CHL1: variants seen among roughly 807,000 people sequenced by gnomAD.
CHL1 encodes the protein neural cell adhesion molecule L1-like protein.
Under a neutral mutation model 141.9 loss-of-function variants are expected in CHL1, and 96 were observed. That is an observed-to-expected ratio of 0.68 (90% CI 0.57 to 0.80). The LOEUF (loss-of-function observed/expected upper bound fraction) is 0.80. Ranked by LOEUF, CHL1 falls within the 30% of genes least tolerant of loss-of-function variation. The probability of loss-of-function intolerance (pLI) is 0.00; values close to 1 mark genes in which losing one functional copy is unlikely to be tolerated. For synonymous variants in CHL1, 613 were observed against 502.2 expected, an observed-to-expected ratio of 1.22 and a Z score of -2.95; for missense variants, 1,820 against 1,457.2, an observed-to-expected ratio of 1.25 and a Z score of -4.05.
At chr3:260,232 C>T (rs1490807371) in intron 2 of CHL1, among the ~76,000 whole-genome samples, 1 of 151,024 alleles carries the variant, frequency 6.6e-6, no homozygotes, top group African/African-American at 2.5e-5. Flanking sequence ...CCACTGCACT[C>T]CAGACTGGGT....
chr3:278,257 T>G (rs1696331185), intron 2 of CHL1, among the ~76,000 whole-genome samples: 1 of 152,256 alleles, frequency 6.6e-6, no homozygotes, highest in Non-Finnish European at 1.5e-5. Flanking sequence ...GATTTTAACC[T>G]TTCCAGACAT....
intron 2 of CHL1, among the ~76,000 whole-genome samples, chr3:299,985 G>C (rs1227141854): frequency 6.6e-6 from 1 of 152,190 alleles, no homozygotes; most frequent in East Asian, 1.9e-4. Flanking sequence ...GAAGGTTTTA[G>C]TAGGAGAATG....
intron 15 of CHL1, chr3:376,541 C>G (rs1575214610): frequency 2.6e-6 from 1 of 381,870 alleles, no homozygotes; most frequent in Non-Finnish European, 5.1e-6. Context: ...GCAACCATGA[C>G]TTGCCAAAAA....
intron 24 of CHL1, among the ~76,000 whole-genome samples, chr3:395,480 A>C (rs1708595142): frequency 6.6e-6 from 1 of 152,114 alleles, no homozygotes; most frequent in African/African-American, 2.4e-5. Context: ...ATCTCCAGTT[A>C]TGATTTTAGT....
chr3:293,011 G>C (rs1374477377), intron 2 of CHL1, among the ~76,000 whole-genome samples: 2 of 152,166 alleles, frequency 1.3e-5, no homozygotes, highest in African/African-American at 4.8e-5. Flanking sequence ...TTTGTATTAA[G>C]CCAACACATG....
rs532366536 is a variant in CHL1 at position 329,476 on chromosome 3, C to T, written c.385+1122C>T. ...AAGGAATATAGGTCAAATTTAGACTCGGAAGTAAGGTGTGCATCTTAAAAT... is the reference window on the plus strand; with the variant it reads ...AAGGAATATAGGTCAAATTTAGACTTGGAAGTAAGGTGTGCATCTTAAAAT... On this transcript the variant is annotated intron_variant, in intron 5 of 27. Coordinates refer to ENST00000256509, the MANE Select transcript of CHL1 (RefSeq NM_006614.4). Among the ~76,000 whole-genome samples, 4 of 151,762 alleles carry T rather than the reference C, an allele frequency of 2.6e-5. No individual in the cohort carries two copies. In the South Asian group the frequency reaches 8.3e-4, roughly 32 times the overall value.
rs531252509 is a variant in CHL1 at position 198,423 on chromosome 3, C to T, written c.-175+1360C>T. ...GCGTGGCGATGGTAACTGGTGGGCC[C>T]CCCGGGCTCGCTCTAGGCGGAGGCT... On this transcript the variant is annotated intron_variant, in intron 1 of 27. Coordinates refer to ENST00000256509, the MANE Select transcript of CHL1 (RefSeq NM_006614.4). Among the ~76,000 whole-genome samples the T allele has an allele frequency of 1.2e-4, 18 of 152,306 alleles. No homozygotes were observed. The East Asian group carries it at 2.7e-3, about 23-fold the overall frequency.
chr3:273,000 C>A (rs1195830962), intron 2 of CHL1, among the ~76,000 whole-genome samples: 1 of 152,156 alleles, frequency 6.6e-6, no homozygotes, highest in African/African-American at 2.4e-5. Context: ...TTGGTTTAAA[C>A]TAGATAATGA....
At chr3:396,580 C>T (rs570912284) in intron 24 of CHL1, among the ~76,000 whole-genome samples, 9 of 152,262 alleles carry the variant, frequency 5.9e-5, no homozygotes, top group African/African-American at 2.2e-4. Context: ...TGTGATTTTA[C>T]AGGTGATGTG....
intron 2 of CHL1, among the ~76,000 whole-genome samples, chr3:255,410 G>C (rs765114751): frequency 6.6e-6 from 1 of 152,088 alleles, no homozygotes; most frequent in African/African-American, 2.4e-5. Flanking sequence ...CTTACAATTA[G>C]AGATCATTCA....
chr3:399,546 A>G (rs1045872177), intron 26 of CHL1, among the ~76,000 whole-genome samples: 6 of 152,200 alleles, frequency 3.9e-5, no homozygotes, highest in African/African-American at 1.2e-4. Flanking sequence ...AGGCTGAGAC[A>G]GGAGAATCAC....
rs1709611012 is a variant in CHL1, at chr3:407,615, T to G, written c.*1904T>G. ...GGAGGGACAGTCATCATGTTTTGAT[T>G]TATCTGGGAGAAAACTGTGGTGCAC... On this transcript the variant is annotated 3_prime_UTR_variant, in exon 28 of 28. Coordinates refer to ENST00000256509, the MANE Select transcript of CHL1 (RefSeq NM_006614.4). The G allele has an allele frequency of 6.6e-6, 1 of 152,090 alleles. No individual in the cohort carries two copies. Among genetic ancestry groups the G allele is most frequent in the Non-Finnish European group, 1.5e-5 (1 of 68,026 alleles). The allele number at this position is 152,090 out of a possible 1,614,324, so 9.4% of individuals were successfully genotyped here.
intron 2 of CHL1, among the ~76,000 whole-genome samples, chr3:311,415 A>G (rs576572200): frequency 6.7e-6 from 1 of 150,256 alleles, no homozygotes; most frequent in African/African-American, 2.5e-5. Flanking sequence ...TATCTGTCAC[A>G]GTGAGGGTTT....
In CHL1 at chr3:382,181, G is replaced by A. The variant is rs541454458; in HGVS notation, c.1879G>A (p.Val627Ile). The A allele has an allele frequency of 6.8e-6, 11 of 1,612,214 alleles. No homozygotes were observed. The East Asian group carries it at 8.9e-5, about 13-fold the overall frequency. Reference sequence around the variant, plus strand: ...TTTTCCCTTCCTTTATTAATTAGATGTTCCGGATCCACCAGAAAACCTTCA... The same window carrying A: ...TTTTCCCTTCCTTTATTAATTAGATATTCCGGATCCACCAGAAAACCTTCA... ...ADITQVTVLD[V>I]PDPPENLHLS... The change falls in exon 17 of 28, where the codon GTT (valine) becomes ATT (isoleucine). Residue 627 changes from valine (V) to isoleucine (I), a missense_variant and splice_region_variant. Val to Ile is a conservative substitution (Grantham distance 29). Transcript: ENST00000256509.
At chr3:336,395 G>C (rs1000800975) in intron 5 of CHL1, among the ~76,000 whole-genome samples, 4 of 152,154 alleles carry the variant, frequency 2.6e-5, no homozygotes, top group African/African-American at 9.7e-5. Context: ...ACAGTGGTTA[G>C]TTAGCATGAA....
chr3:349,277 TA>T (rs745704341), intron 9 of CHL1, 81 bp from the exon 10 acceptor site: 6 of 1,218,320 alleles, frequency 4.9e-6, no homozygotes, highest in Non-Finnish European at 7.0e-6. Context: ...AGCACCCTGA[TA>T]AAGGATGTGT....
intron 2 of CHL1, among the ~76,000 whole-genome samples, chr3:281,157 G>T (rs1188078196): frequency 6.6e-6 from 1 of 152,088 alleles, no homozygotes; most frequent in Non-Finnish European, 1.5e-5. Flanking sequence ...TCACAACAAG[G>T]AATTATTCAG....
intron 18 of CHL1, 149 bp downstream of exon 18, chr3:382,820 C>G: frequency 1.5e-6 from 1 of 679,260 alleles, no homozygotes; most frequent in South Asian, 2.0e-5. Flanking sequence ...ACAAAATATT[C>G]AAAGCACACA....
rs765589675 is a variant in CHL1, at chr3:340,843, G to C, written c.435G>C (p.Glu145Asp). The change falls in exon 6 of 28, where the codon GAG (glutamate) becomes GAC (aspartate). Residue 145 changes from glutamate (E) to aspartate (D), a missense_variant. Transcript: ENST00000256509. Reference sequence around the variant, plus strand: ...AAATTGACCCTCTTGAAGTGGAGGAGGGAGATCCAATTGTCCTCCCATGCA... The same window carrying C: ...AAATTGACCCTCTTGAAGTGGAGGACGGAGATCCAATTGTCCTCCCATGCA... ...KEKIDPLEVEEGDPIVLPCNP... is the reference protein window; with the variant it reads ...KEKIDPLEVEDGDPIVLPCNP... 2.2e-5 allele frequency: 36 copies of C among 1,612,042 alleles called. 1 individual carries two copies. The South Asian group carries it at 4.0e-4, about 18-fold the overall frequency.
Sources: allele counts gnomAD v4.1 joint callset (sites outside exome capture counted in the v4.1 genomes callset), GRCh38; gene constraint gnomAD v4.1.1; transcripts MANE v1.5; gene names NCBI Gene and HGNC (gene_info 2026-07-23, HGNC 2026-07-21).